The following STOX1 variants were observed in gnomAD, a reference collection of about 807,000 sequenced individuals.
The protein encoded by STOX1 is storkhead-box protein 1.
A neutral mutation model predicts 74.8 loss-of-function variants in STOX1; 57 were observed. That is an observed-to-expected ratio of 0.76 (90% CI 0.62 to 0.95). The LOEUF (loss-of-function observed/expected upper bound fraction) is 0.95, where lower values mean the gene tolerates loss of function less well. Ranked by LOEUF, STOX1 falls within the 40% of genes least tolerant of loss-of-function variation. The pLI is 0.00. For missense variants in STOX1, 1,010 were observed against 1,117.0 expected (o/e 0.90, Z 1.37); for synonymous variants, 375 against 401.3 (o/e 0.93, Z 0.78).
intron 1 of STOX1, among the ~76,000 whole-genome samples, chr10:68,845,068 G>A (rs1589219004): frequency 6.6e-6 from 1 of 151,510 alleles, no homozygotes; most frequent in Admixed American, 6.6e-5. Context: ...TGGCCAGCTT[G>A]TCTTTTTAAT....
chr10:68,865,273 G>GT (rs1337710838), intron 1 of STOX1, among the ~76,000 whole-genome samples: 1 of 152,066 alleles, frequency 6.6e-6, no homozygotes, highest in Non-Finnish European at 1.5e-5. Flanking sequence ...GTTTACCGCA[G>GT]GAATCGTAAA....
chr10:68,874,801 T>A (rs911921683), intron 1 of STOX1, among the ~76,000 whole-genome samples: 1 of 152,176 alleles, frequency 6.6e-6, no homozygotes, highest in East Asian at 1.9e-4. Context: ...AGCCTTGATG[T>A]AGATACCTGG....
At chr10:68,858,383 G>T (rs1297257206) in intron 1 of STOX1, among the ~76,000 whole-genome samples, 3 of 152,082 alleles carry the variant, frequency 2.0e-5, no homozygotes, top group Non-Finnish European at 4.4e-5. Flanking sequence ...CTGCTGAGGA[G>T]CGGTCACCTC....
chr10:68,875,024 G>T (rs1159976224), intron 1 of STOX1, among the ~76,000 whole-genome samples: 1 of 152,222 alleles, frequency 6.6e-6, no homozygotes, highest in African/African-American at 2.4e-5. Flanking sequence ...TTTGTGTCTG[G>T]CTGGGTTTCC....
intron 1 of STOX1, among the ~76,000 whole-genome samples, chr10:68,837,217 G>A (rs1051341286): frequency 5.9e-5 from 9 of 152,222 alleles, no homozygotes; most frequent in Non-Finnish European, 1.0e-4. Context: ...ATGTGTATGT[G>A]TATTCAAGGA....
chr10:68,846,291 CAT>C (rs1409736379), intron 1 of STOX1, among the ~76,000 whole-genome samples: 1 of 151,814 alleles, frequency 6.6e-6, no homozygotes, highest in East Asian at 1.9e-4. Flanking sequence ...GGAGTACAGG[CAT>C]GCACCACCAG....
At chr10:68,873,661 T>C (rs1240591832) in intron 1 of STOX1, among the ~76,000 whole-genome samples, 1 of 139,098 alleles carries the variant, frequency 7.2e-6, no homozygotes, top group African/African-American at 2.7e-5. Context: ...CTTTTTTTTT[T>C]TTTTCTTTTT....
At chr10:68,845,899 G>C in intron 1 of STOX1, among the ~76,000 whole-genome samples, 1 of 151,404 alleles carries the variant, frequency 6.6e-6, no homozygotes, top group Non-Finnish European at 1.5e-5. Context: ...ACCGCACCCA[G>C]CCCCAATTTT....
intron 1 of STOX1, among the ~76,000 whole-genome samples, chr10:68,855,664 C>T (rs941187338): frequency 4.6e-5 from 7 of 151,626 alleles, no homozygotes; most frequent in Non-Finnish European, 1.0e-4. Context: ...AGGCTGGTCT[C>T]TAACTCCTGG....
chr10:68,857,421 A>G (rs1460992377), intron 1 of STOX1, among the ~76,000 whole-genome samples: 1 of 152,024 alleles, frequency 6.6e-6, no homozygotes, highest in Non-Finnish European at 1.5e-5. Flanking sequence ...TGGAATATAC[A>G]TCTTTCTGGG....
intron 1 of STOX1, among the ~76,000 whole-genome samples, chr10:68,829,909 G>A (rs1005114416): frequency 6.6e-6 from 1 of 152,192 alleles, no homozygotes; most frequent in African/African-American, 2.4e-5. Context: ...ACTCTTTTCA[G>A]TTCTGCATCC....
intron 1 of STOX1, among the ~76,000 whole-genome samples, chr10:68,877,365 GA>G (rs1840704721): frequency 6.6e-6 from 1 of 152,128 alleles, no homozygotes; most frequent in African/African-American, 2.4e-5. Context: ...GGTGGGGTTT[GA>G]AAAATGTAAG....
At position 68,827,547 on chromosome 10, in the gene STOX1, C is replaced by CCCGCCGAGCGAGCGGCGTCGTAG; in HGVS notation, c.-70_-48dup. The CCCGCCGAGCGAGCGGCGTCGTAG allele has an allele frequency of 1.0e-6, 1 of 988,426 alleles. No homozygotes were observed. The highest frequency in any genetic ancestry group is 1.2e-6 in the Non-Finnish European group (1 of 806,502). The allele number at this position is 988,426 out of a possible 1,614,324, so 61.2% of individuals were successfully genotyped here. A position where few individuals can be genotyped will look rare whatever the true frequency, so the allele number is the denominator to read the frequency against. ...GACCCGCGCGCAGTCGGCCGATCCT[C>CCCGCCGAGCGAGCGGCGTCGTAG]CCGCCGAGCGAGCGGCGTCGTAGCC... On this transcript the variant is annotated 5_prime_UTR_variant, in exon 1 of 4. Coordinates refer to ENST00000298596, the MANE Select transcript of STOX1 (RefSeq NM_152709.5).
chr10:68,848,139 C>T (rs1839899265), intron 1 of STOX1, among the ~76,000 whole-genome samples: 1 of 151,432 alleles, frequency 6.6e-6, no homozygotes, highest in South Asian at 2.1e-4. Context: ...CAGCCCTGAC[C>T]TGGGTGCCAG....
At chr10:68,844,695 C>T (rs1330129377) in intron 1 of STOX1, among the ~76,000 whole-genome samples, 3 of 152,168 alleles carry the variant, frequency 2.0e-5, no homozygotes, top group Non-Finnish European at 4.4e-5. Flanking sequence ...ATTTTAGATA[C>T]AAGTCCTTTG....
In STOX1 at chr10:68,893,006, T is replaced by C; in HGVS notation, c.*270T>C. 3.1e-6 allele frequency: 1 copy of C among 322,678 alleles called. No homozygotes were observed. The highest frequency in any genetic ancestry group is 4.8e-5 in the South Asian group (1 of 21,004). 20.0% of individuals were successfully genotyped at this position (322,678 alleles called of 1,614,324 possible). The stretch of plus-strand genomic sequence containing the variant: ...GGAATTATTGGTCCCCTTCCAATTG[T>C]AATTATCTTGAATTTTTATACATTA... On this transcript the variant is annotated 3_prime_UTR_variant, in exon 4 of 4. Coordinates refer to ENST00000298596, the MANE Select transcript of STOX1 (RefSeq NM_152709.5).
At position 68,885,353 on chromosome 10, in the gene STOX1, G is replaced by A. The variant is rs879071998; in HGVS notation, c.1557G>A (p.Leu519=). ...ACAAAATTCAGAAGACGAGTGATCT[G>A]AAACCCAGCCAGACTGGACCAAAGG... ...KGHKIQKTSD[L]KPSQTGPKEK... Residue 519 remains leucine (L), a synonymous_variant, in exon 3 of 4, where the codon CTG becomes CTA. Coordinates refer to ENST00000298596, the MANE Select transcript of STOX1 (RefSeq NM_152709.5). 3 of 1,614,200 alleles carry A rather than the reference G, an allele frequency of 1.9e-6. No homozygotes were observed. Among genetic ancestry groups the A allele is most frequent in the Non-Finnish European group, 1.7e-6 (2 of 1,180,030 alleles).
At chr10:68,856,785 C>T (rs1383249726) in intron 1 of STOX1, among the ~76,000 whole-genome samples, 9 of 152,106 alleles carry the variant, frequency 5.9e-5, no homozygotes, top group African/African-American at 1.9e-4. Context: ...AAACTTCTCT[C>T]GTTCCACCTA....
chr10:68,876,383 C>T (rs1313656621), intron 1 of STOX1, among the ~76,000 whole-genome samples: 4 of 151,676 alleles, frequency 2.6e-5, no homozygotes, highest in Non-Finnish European at 4.4e-5. Flanking sequence ...CTCGAACTCC[C>T]GACCTCAGGT....
Sources: gnomAD v4.1 joint callset for allele counts (sites outside exome capture counted in the v4.1 genomes callset) on GRCh38, gnomAD v4.1.1 for gene constraint, MANE v1.5 for transcripts, NCBI Gene and HGNC (gene_info 2026-07-23, HGNC 2026-07-21) for gene names.